The following FBXO15 variants were observed in gnomAD, a reference collection of about 807,000 sequenced individuals.
FBXO15 encodes the protein F-box only protein 15.
In FBXO15, 30 loss-of-function variants were observed where a neutral mutation model predicts 49.5. The ratio of observed to expected loss-of-function variants is 0.61; its 90% confidence interval spans 0.45 to 0.82. FBXO15 has a LOEUF of 0.82. FBXO15 is among the 40% of genes least tolerant of loss of function. The pLI is 0.00. For missense variants in FBXO15, 591 were observed against 631.5 expected (o/e 0.94, Z 0.69); for synonymous variants, 250 against 232.7 (o/e 1.07, Z -0.68).
chr18:74,091,755 T>TA (rs1913037874), intron 8 of FBXO15, among the ~76,000 whole-genome samples: 1 of 152,240 alleles, frequency 6.6e-6, no homozygotes, highest in African/African-American at 2.4e-5. Flanking sequence ...GGTCCACTGT[T>TA]AGTTTGATGA....
At chr18:74,131,444 C>T (rs906272637) in intron 3 of FBXO15, among the ~76,000 whole-genome samples, 1 of 152,176 alleles carries the variant, frequency 6.6e-6, no homozygotes, top group South Asian at 2.1e-4. Context: ...GGTTTCACTG[C>T]CTCTTCAATC....
chr18:74,130,303 A>T, intron 4 of FBXO15, 113 bp downstream of exon 4: 1 of 1,413,242 alleles, frequency 7.1e-7, no homozygotes, highest in African/African-American at 1.4e-5. Context: ...ATAGATGCAC[A>T]AAACACACAA....
chr18:74,095,328 T>TAAC (rs1046052150), intron 8 of FBXO15, among the ~76,000 whole-genome samples: 2 of 152,244 alleles, frequency 1.3e-5, no homozygotes, highest in African/African-American at 4.8e-5. Flanking sequence ...TCTTGGCTTT[T>TAAC]AACATGCCTT....
chr18:74,104,179 G>A (rs551940901), intron 8 of FBXO15, among the ~76,000 whole-genome samples: 11 of 152,138 alleles, frequency 7.2e-5, no homozygotes, highest in South Asian at 2.1e-4. Flanking sequence ...CTTTATTTGC[G>A]TCTATTCTTT....
intron 3 of FBXO15, among the ~76,000 whole-genome samples, chr18:74,135,386 A>G (rs1265671901): frequency 2.0e-5 from 3 of 152,110 alleles, no homozygotes; most frequent in East Asian, 3.9e-4. Flanking sequence ...AGCAGAGAGC[A>G]CTCATTCTGC....
chr18:74,105,410 T>C (rs1434151458), intron 8 of FBXO15, among the ~76,000 whole-genome samples: 2 of 152,152 alleles, frequency 1.3e-5, no homozygotes, highest in South Asian at 4.1e-4. Flanking sequence ...AATATGTACA[T>C]CTATTAGGCA....
At chr18:74,081,305 C>T (rs1250575162) in intron 9 of FBXO15, among the ~76,000 whole-genome samples, 1 of 152,172 alleles carries the variant, frequency 6.6e-6, no homozygotes, top group Admixed American at 6.5e-5. Flanking sequence ...TCTTGTTCAT[C>T]CCATAAAATA....
chr18:74,133,698 C>A (rs1265113742), intron 3 of FBXO15, among the ~76,000 whole-genome samples: 1 of 152,172 alleles, frequency 6.6e-6, no homozygotes, highest in East Asian at 1.9e-4. Flanking sequence ...CCAGCATCTG[C>A]CTCTGGTGAA....
intron 8 of FBXO15, among the ~76,000 whole-genome samples, chr18:74,096,653 A>C (rs1913289461): frequency 6.6e-6 from 1 of 152,184 alleles, no homozygotes; most frequent in African/African-American, 2.4e-5. Context: ...AAACAAAAAA[A>C]AAAAACACAA....
In FBXO15 at chr18:74,075,840, A is replaced by G. The variant is rs935495757; in HGVS notation, c.1264-2110T>C. 1.3e-5 allele frequency among the ~76,000 whole-genome samples: 2 copies of G among 152,132 alleles called. No homozygotes were observed. Among genetic ancestry groups the G allele is most frequent in the Non-Finnish European group, 2.9e-5 (2 of 68,012 alleles). On this transcript the variant is annotated intron_variant, in intron 9 of 9. Transcript: ENST00000419743. The surrounding 1 kb of genome is among the most constrained non-coding windows in gnomAD (Gnocchi z 4.1). ...TGGTCCTAGGCCCTATTTTCACTCT[A>G]TGTAATCTCTCCCCATAAATGGAAC...
intron 2 of FBXO15, among the ~76,000 whole-genome samples, chr18:74,138,725 T>C (rs1424547160): frequency 6.6e-6 from 1 of 152,034 alleles, no homozygotes; most frequent in Middle Eastern, 3.2e-3. Flanking sequence ...TGGCCCTCTC[T>C]TCCGCCCTGA....
intron 8 of FBXO15, among the ~76,000 whole-genome samples, chr18:74,118,288 C>T (rs1258779856): frequency 2.0e-5 from 3 of 151,960 alleles, no homozygotes; most frequent in Admixed American, 6.6e-5. Flanking sequence ...TGAGCCACCA[C>T]ACCACATCAC....
chr18:74,090,344 C>CA (rs907520076), intron 8 of FBXO15, among the ~76,000 whole-genome samples: 31 of 151,428 alleles, frequency 2.0e-4, no homozygotes, highest in Admixed American at 1.3e-4. Context: ...TTAATTTTTT[C>CA]AAAAAAACAA....
At chr18:74,085,269 A>G (rs1026073324) in intron 8 of FBXO15, among the ~76,000 whole-genome samples, 1 of 152,190 alleles carries the variant, frequency 6.6e-6, no homozygotes, top group Non-Finnish European at 1.5e-5. Context: ...ATAGAGCTAC[A>G]GAAATCAAGA....
intron 5 of FBXO15, among the ~76,000 whole-genome samples, chr18:74,128,043 C>G (rs1362141673): frequency 6.6e-6 from 1 of 152,142 alleles, no homozygotes; most frequent in African/African-American, 2.4e-5. Flanking sequence ...TGGCTTCCTT[C>G]ATGATCCCGT....
At chr18:74,101,789 T>C (rs1361455024) in intron 8 of FBXO15, among the ~76,000 whole-genome samples, 1 of 152,124 alleles carries the variant, frequency 6.6e-6, no homozygotes, top group East Asian at 1.9e-4. Flanking sequence ...TGGAACAGAA[T>C]AGAGAATCCA....
chr18:74,136,652 T>C (rs994328028), intron 2 of FBXO15, among the ~76,000 whole-genome samples: 2 of 152,202 alleles, frequency 1.3e-5, no homozygotes, highest in African/African-American at 4.8e-5. Context: ...TTTATTTGTA[T>C]GCCTAAATAT....
chr18:74,140,387 T>A, intron 1 of FBXO15, 75 bp from the exon 2 acceptor site: 2 of 1,300,232 alleles, frequency 1.5e-6, no homozygotes, highest in Non-Finnish European at 2.1e-6. Flanking sequence ...TCTACAAAAT[T>A]CCAAAGGATT....
intron 7 of FBXO15, 133 bp downstream of exon 7, chr18:74,124,356 C>T: frequency 2.9e-6 from 2 of 678,006 alleles, no homozygotes; most frequent in Non-Finnish European, 5.0e-6. Context: ...GCTAATTGTG[C>T]CTGTTGGTTT....
Sources: gnomAD v4.1 joint callset for allele counts (sites outside exome capture counted in the v4.1 genomes callset) on GRCh38, gnomAD v4.1.1 for gene constraint, Gnocchi (gnomAD v3.1) non-coding constraint, MANE v1.5 for transcripts, NCBI Gene and HGNC (gene_info 2026-07-23, HGNC 2026-07-21) for gene names.